The following ANKLE2 variants were observed in gnomAD, a reference collection of about 807,000 sequenced individuals.
ANKLE2 encodes ankyrin repeat and LEM domain containing 2, also known as ankyrin repeat and LEM domain-containing protein 2.
In ANKLE2, 55 loss-of-function variants were observed where a neutral mutation model predicts 84.2. That is an observed-to-expected ratio of 0.65 (90% CI 0.53 to 0.82). ANKLE2 has a LOEUF of 0.82. Among genes scored for constraint, ANKLE2 ranks in the 40% least tolerant of loss-of-function variants. ANKLE2 has a pLI of 0.00. For missense variants in ANKLE2, 1,238 were observed against 1,201.9 expected (o/e 1.03, Z -0.44); for synonymous variants, 551 against 486.1 (o/e 1.13, Z -1.76).
rs1441568847 is a variant in ANKLE2 at position 132,735,444 on chromosome 12, C to T, written c.1662G>A (p.Lys554=). 6.2e-7 allele frequency: 1 copy of T among 1,614,020 alleles called. No homozygotes were observed. The highest frequency in any genetic ancestry group is 8.5e-7 in the Non-Finnish European group (1 of 1,180,046). Residue 554 remains lysine, a synonymous_variant, in exon 9 of 13, where the codon AAG becomes AAA. Coordinates refer to ENST00000357997, the MANE Select transcript of ANKLE2 (RefSeq NM_015114.3). ...REKAGFLHHV[K]KSDPERGFER... ...CAAAGCCTCTTTCCGGGTCCGACTTCTTGACGTGGTGAAGGAAGCCTGCTT... is the reference window on the plus strand; with the variant it reads ...CAAAGCCTCTTTCCGGGTCCGACTTTTTGACGTGGTGAAGGAAGCCTGCTT...
chr12:132,752,900 G>C (rs909540472), intron 2 of ANKLE2, among the ~76,000 whole-genome samples: 1 of 151,476 alleles, frequency 6.6e-6, no homozygotes, highest in African/African-American at 2.4e-5. Flanking sequence ...GCTCACACCT[G>C]TAATCTCAGC....
At chr12:132,734,945 C>T (rs1164377406) in intron 9 of ANKLE2, 1 of 281,698 alleles carries the variant, frequency 3.5e-6, no homozygotes, top group African/African-American at 2.3e-5. Flanking sequence ...CATGGCCAGG[C>T]ACACGAAAGC....
chr12:132,740,778 A>G (rs1360392096), intron 7 of ANKLE2, among the ~76,000 whole-genome samples: 1 of 149,644 alleles, frequency 6.7e-6, no homozygotes, highest in Non-Finnish European at 1.5e-5. Context: ...GCCAACAACT[A>G]GAAGCTGCTG....
intron 1 of ANKLE2, chr12:132,760,069 G>C (rs992433569): frequency 3.4e-5 from 5 of 148,706 alleles, no homozygotes; most frequent in Non-Finnish European, 5.9e-5. Context: ...GGGAGGCGGA[G>C]CTTGCAGTGA....
intron 5 of ANKLE2, among the ~76,000 whole-genome samples, chr12:132,746,629 C>A (rs912626138): frequency 6.6e-6 from 1 of 151,852 alleles, no homozygotes; most frequent in Non-Finnish European, 1.5e-5. Flanking sequence ...TTTTTTAATG[C>A]AGTGGACTTT....
Position 132,729,680 on chromosome 12 carries a change from C to G in ANKLE2, c.2482G>C (p.Gly828Arg). Reference protein sequence around the residue: ...REPARRLFLFGEEPSKLDQDV... With the variant: ...REPARRLFLFREEPSKLDQDV... ...GTGCAGAGGGCAACACACTCCTACCCAAAAAGGAAGAGCCGCCTGGCCGGT... is the reference window on the plus strand; with the variant it reads ...GTGCAGAGGGCAACACACTCCTACCGAAAAAGGAAGAGCCGCCTGGCCGGT... Residue 828 changes from glycine (G) to arginine (R), a missense_variant and splice_region_variant, in exon 11 of 13, where the codon GGA becomes CGA. By Grantham distance (125) the Gly-to-Arg change is moderately radical. This residue lies in a region of ANKLE2 where 802 missense variants were observed against 774.5 expected (regional missense o/e 1.04). Transcript: ENST00000357997. 1 of 1,596,314 alleles carries G rather than the reference C, an allele frequency of 6.3e-7. No individual in the cohort carries two copies. The highest frequency in any genetic ancestry group is 1.1e-5 in the South Asian group (1 of 90,068).
intron 5 of ANKLE2, among the ~76,000 whole-genome samples, chr12:132,746,075 A>G (rs930061402): frequency 6.6e-6 from 1 of 152,208 alleles, no homozygotes; most frequent in Non-Finnish European, 1.5e-5. Flanking sequence ...GTGGCCAGGC[A>G]CGGTGGCTCA....
intron 7 of ANKLE2, among the ~76,000 whole-genome samples, chr12:132,739,402 C>T (rs748280426): frequency 2.2e-4 from 33 of 152,148 alleles, no homozygotes; most frequent in Admixed American, 3.3e-4. Flanking sequence ...TATTTGGATG[C>T]ATCCTATGTA....
chr12:132,733,667 G>C (rs561314737), intron 10 of ANKLE2, among the ~76,000 whole-genome samples: 1 of 127,640 alleles, frequency 7.8e-6, no homozygotes, highest in Non-Finnish European at 1.7e-5. Context: ...TGTGTGAAGC[G>C]CTCTGCGTCC....
chr12:132,739,555 T>A (rs2044080908), intron 7 of ANKLE2, among the ~76,000 whole-genome samples: 1 of 152,194 alleles, frequency 6.6e-6, no homozygotes, highest in Non-Finnish European at 1.5e-5. Flanking sequence ...ATACTAATGT[T>A]TACTTTTTTG....
intron 1 of ANKLE2, chr12:132,758,528 ATTT>A (rs147868815): frequency 1.4e-5 from 2 of 148,016 alleles, no homozygotes; most frequent in Admixed American, 6.8e-5. Context: ...TCCATTAACA[ATTT>A]TTTTTTTTTT....
Position 132,745,607 on chromosome 12 carries a change from C to T in ANKLE2, c.1230+2225G>A, listed in dbSNP as rs186912787. 46 of 155,658 alleles carry T rather than the reference C, an allele frequency of 3.0e-4. No homozygotes were observed. In the East Asian group the frequency reaches 8.1e-3, roughly 27 times the overall value. 9.6% of individuals were successfully genotyped at this position (155,658 alleles called of 1,614,324 possible). ...CTGCCATCAGTAGGAAGCTCGGAGA[C>T]GTAAGGAAATTTGCAACTTTCAAGT... On this transcript the variant is annotated intron_variant, in intron 5 of 12. Coordinates refer to ENST00000357997, the MANE Select transcript of ANKLE2 (RefSeq NM_015114.3).
Position 132,741,457 on chromosome 12 carries a change from GATTT to G in ANKLE2, c.1378_1381del (p.Lys460LeufsTer4), listed in dbSNP as rs755973336. 5 of 1,614,050 alleles carry G rather than the reference GATTT, an allele frequency of 3.1e-6. No individual in the cohort carries two copies. The African/African-American group carries it at 5.3e-5, about 17-fold the overall frequency. ...TCTGATCCGCTCCTTCAGTTCCACA[GATTT>G]ATTTTTGCTTCTTTCACAAATTACC... On this transcript the variant is annotated frameshift_variant, in exon 7 of 13. Transcript: ENST00000357997. LOFTEE classifies it high-confidence loss of function.
chr12:132,757,546 G>C (rs1392737068), intron 1 of ANKLE2: 1 of 152,314 alleles, frequency 6.6e-6, no homozygotes, highest in African/African-American at 2.4e-5. Context: ...CTGATGGCTG[G>C]GCGCGGTGAC....
intron 2 of ANKLE2, among the ~76,000 whole-genome samples, chr12:132,753,653 T>A (rs575522544): frequency 6.6e-6 from 1 of 151,828 alleles, no homozygotes; most frequent in Non-Finnish European, 1.5e-5. Flanking sequence ...GCGCCTGTAG[T>A]TCCCAGCTAC....
chr12:132,728,847 T>G (rs910358202), intron 11 of ANKLE2, among the ~76,000 whole-genome samples: 1 of 151,392 alleles, frequency 6.6e-6, no homozygotes, highest in Non-Finnish European at 1.5e-5. Flanking sequence ...TTAGGGACAT[T>G]TATCCCCTGT....
Position 132,741,449 on chromosome 12 carries a change from G to T in ANKLE2, c.1390C>A (p.Leu464Met), listed in dbSNP as rs2044121183. 2 of 1,614,078 alleles carry T rather than the reference G, an allele frequency of 1.2e-6. No individual in the cohort carries two copies. Among genetic ancestry groups the T allele is most frequent in the African/African-American group, 2.7e-5 (2 of 74,930 alleles). The change falls in exon 7 of 13, where the codon CTG (leucine) becomes ATG (methionine). Residue 464 changes from leucine to methionine, a missense_variant. Transcript: ENST00000357997. Reference sequence around the variant, plus strand: ...AAATACTCTCTGATCCGCTCCTTCAGTTCCACAGATTTATTTTTGCTTCTT... The same window carrying T: ...AAATACTCTCTGATCCGCTCCTTCATTTCCACAGATTTATTTTTGCTTCTT... ...CERSKNKSVE[L>M]KERIREYLKG... is the part of the protein sequence containing the mutation.
rs1196034559 is a variant in ANKLE2 at position 132,741,405 on chromosome 12, A to G, written c.1420+14T>C. ...CGTGGACCCCACGATCCAGGCACCA[A>G]CTCCCCATCTTACCCTTTAAATACT... On this transcript the variant is annotated intron_variant, in intron 7 of 12. Transcript: ENST00000357997. 1 of 1,613,206 alleles carries G rather than the reference A, an allele frequency of 6.2e-7. No homozygotes were observed. The highest frequency in any genetic ancestry group is 1.1e-5 in the South Asian group (1 of 90,842).
chr12:132,726,010 A>C lies in ANKLE2; in HGVS notation c.*1232T>G, dbSNP rs1161450082. On this transcript the variant is annotated 3_prime_UTR_variant, in exon 13 of 13. Coordinates refer to ENST00000357997, the MANE Select transcript of ANKLE2 (RefSeq NM_015114.3). ...CAATTCAGAATTTTTACAAACAAAA[A>C]CAATCCTGCGTCTACTTAATATCCC... 2.6e-5 allele frequency: 4 copies of C among 152,224 alleles called. No individual in the cohort carries two copies. The highest frequency in any genetic ancestry group is 9.6e-5 in the African/African-American group (4 of 41,452). The allele number at this position is 152,224 out of a possible 1,614,324, so 9.4% of individuals were successfully genotyped here. A position where few individuals can be genotyped will look rare whatever the true frequency, so the allele number is the denominator to read the frequency against.
Sources: gnomAD v4.1 joint callset for allele counts (sites outside exome capture counted in the v4.1 genomes callset) on GRCh38, gnomAD v4.1.1 for gene constraint, gnomAD v4.1.1 regional missense constraint, MANE v1.5 for transcripts, NCBI Gene and HGNC (gene_info 2026-07-23, HGNC 2026-07-21) for gene names.